NEK1: variants seen among roughly 807,000 people sequenced by gnomAD.
NEK1 encodes the protein serine/threonine-protein kinase Nek1.
NEK1 carries 137 observed loss-of-function variants against 182.1 expected under a neutral mutation model. The ratio of observed to expected loss-of-function variants is 0.75; its 90% CI spans 0.65 to 0.87. The LOEUF (loss-of-function observed/expected upper bound fraction) is 0.87, where lower values mean the gene tolerates loss of function less well. Among genes scored for constraint, NEK1 ranks in the 40% least tolerant of loss-of-function variants. The probability of loss-of-function intolerance (pLI) is 0.00; values close to 1 mark genes in which losing one functional copy is unlikely to be tolerated. For synonymous variants in NEK1, 513 were observed against 492.2 expected (o/e 1.04, Z -0.56); for missense variants, 1,391 against 1,494.4 (o/e 0.93, Z 1.14).
chr4:169,406,721 A>G lies in NEK1; in HGVS notation c.3249T>C (p.Asp1083=). The G allele has an allele frequency of 6.2e-7, 1 of 1,601,520 alleles. No individual in the cohort carries two copies. Among genetic ancestry groups the G allele is most frequent in the Admixed American group, 1.7e-5 (1 of 57,824 alleles). Reference sequence around the variant, plus strand: ...TAAGGGTTCTGAACAGCTTTGAGAGATCTGGAAGTGAACATGTCCTTAACA... The same window carrying G: ...TAAGGGTTCTGAACAGCTTTGAGAGGTCTGGAAGTGAACATGTCCTTAACA... ...PKMLRTCSLP[D]LSKLFRTLMD... is the part of the protein sequence containing the mutation. The change falls in exon 32 of 36, where the codon GAT becomes GAC. Residue 1083 remains aspartate (D), a synonymous_variant. Coordinates refer to ENST00000507142, the MANE Select transcript of NEK1 (RefSeq NM_001199397.3).
intron 23 of NEK1, among the ~76,000 whole-genome samples, chr4:169,480,721 T>C (rs1037123244): frequency 3.3e-5 from 5 of 152,128 alleles, no homozygotes; most frequent in African/African-American, 9.7e-5. Context: ...AATATTCTTT[T>C]GATTTTGTAA....
At chr4:169,456,561 C>A (rs1384194897) in intron 27 of NEK1, among the ~76,000 whole-genome samples, 3 of 152,058 alleles carry the variant, frequency 2.0e-5, no homozygotes, top group African/African-American at 7.2e-5. Context: ...TTAAAAGGAT[C>A]TTTAGAAGCT....
At chr4:169,556,605 G>A (rs1762190550) in intron 16 of NEK1, among the ~76,000 whole-genome samples, 4 of 152,030 alleles carry the variant, frequency 2.6e-5, no homozygotes, top group Admixed American at 2.0e-4. Flanking sequence ...GAGGCAAAAA[G>A]TCATATCTAT....
At chr4:169,530,501 T>C (rs556636127) in intron 19 of NEK1, among the ~76,000 whole-genome samples, 8 of 152,290 alleles carry the variant, frequency 5.3e-5, no homozygotes, top group African/African-American at 1.7e-4. Flanking sequence ...TGTGGGCTAA[T>C]GTAAGTGATC....
rs193034310 is a variant in NEK1 at position 169,603,005 on chromosome 4, C to A, written c.-48-327G>T. On this transcript the variant is annotated intron_variant, in intron 2 of 35. Coordinates refer to ENST00000507142, the MANE Select transcript of NEK1 (RefSeq NM_001199397.3). The stretch of plus-strand genomic sequence containing the variant: ...TTATTTTCTCCAAAAAGAATGAAAA[C>A]CTAATAATACACTATTTCTTGAAGT... Among the ~76,000 whole-genome samples, 775 of 152,120 alleles carry A rather than the reference C, an allele frequency of 5.1e-3. 9 individuals carry two copies. Among genetic ancestry groups the A allele is most frequent in the Middle Eastern group, 0.014 (4 of 292 alleles).
chr4:169,598,360 T>C (rs1043372443), intron 5 of NEK1, among the ~76,000 whole-genome samples: 4 of 151,812 alleles, frequency 2.6e-5, no homozygotes, highest in African/African-American at 4.8e-5. Context: ...CTGGTGATAA[T>C]GAGAAATGTG....
In NEK1 at chr4:169,589,355, T is replaced by G. The variant is rs1768045403; in HGVS notation, c.464+92A>C. On this transcript the variant is annotated intron_variant, in intron 7 of 35. Coordinates refer to ENST00000507142, the MANE Select transcript of NEK1 (RefSeq NM_001199397.3). ...GCAACATCCCAGTAAAGAATGTACT[T>G]AAAGATACCATAAATTATCACATAT... The G allele has an allele frequency of 5.1e-6, 4 of 779,046 alleles. No homozygotes were observed. In the Admixed American group the frequency reaches 1.2e-4, roughly 23 times the overall value. The allele number at this position is 779,046 out of a possible 1,614,324, so 48.3% of individuals were successfully genotyped here. A position where few individuals can be genotyped will look rare whatever the true frequency, so the allele number is the denominator to read the frequency against.
At chr4:169,495,629 A>G (rs1291746425) in intron 23 of NEK1, among the ~76,000 whole-genome samples, 3 of 152,202 alleles carry the variant, frequency 2.0e-5, no homozygotes, top group Non-Finnish European at 2.9e-5. Context: ...ATGGCTAGCC[A>G]GTTTTCCCAG....
intron 27 of NEK1, among the ~76,000 whole-genome samples, chr4:169,458,487 G>A (rs1312034641): frequency 6.6e-6 from 1 of 152,032 alleles, no homozygotes; most frequent in African/African-American, 2.4e-5. Flanking sequence ...CAGCACTTTG[G>A]GAGGCTGAAG....
At chr4:169,547,224 A>C (rs777331957) in intron 18 of NEK1, among the ~76,000 whole-genome samples, 3 of 152,058 alleles carry the variant, frequency 2.0e-5, no homozygotes, top group Admixed American at 6.6e-5. Flanking sequence ...TTTCTCCTTC[A>C]CTTATGAAGC....
At chr4:169,522,313 C>T (rs188624783) in intron 19 of NEK1, among the ~76,000 whole-genome samples, 172 of 152,248 alleles carry the variant, frequency 1.1e-3, no homozygotes, top group African/African-American at 3.2e-3. Context: ...ATTTCTATCA[C>T]AGCAACTTTC....
chr4:169,491,180 C>G (rs541633360), intron 23 of NEK1, among the ~76,000 whole-genome samples: 1 of 139,594 alleles, frequency 7.2e-6, no homozygotes, highest in Non-Finnish European at 1.5e-5. Context: ...TGGAGAAAGG[C>G]ACAGAAGGCT....
At chr4:169,570,386 T>C (rs7439905) in intron 12 of NEK1, among the ~76,000 whole-genome samples, 146,217 of 149,932 alleles carry the variant, frequency 0.98, 71,376 homozygotes, top group East Asian at 1. Flanking sequence ...CCAGGCCAGC[T>C]GCCCAGTCCG....
At chr4:169,593,591 T>C (rs1768906746) in intron 5 of NEK1, among the ~76,000 whole-genome samples, 2 of 152,240 alleles carry the variant, frequency 1.3e-5, no homozygotes, top group South Asian at 2.1e-4. Context: ...TTATAAAATA[T>C]AAATGTTACA....
At chr4:169,435,437 G>A (rs1348239934) in intron 28 of NEK1, among the ~76,000 whole-genome samples, 1 of 152,164 alleles carries the variant, frequency 6.6e-6, no homozygotes, top group Non-Finnish European at 1.5e-5. Flanking sequence ...TAGTAACTAT[G>A]TTCTAATGAA....
At chr4:169,452,595 C>T (rs1742032998) in intron 27 of NEK1, among the ~76,000 whole-genome samples, 1 of 152,140 alleles carries the variant, frequency 6.6e-6, no homozygotes, top group African/African-American at 2.4e-5. Flanking sequence ...CAGAGAAGGC[C>T]TTCAACAAAA....
At chr4:169,540,378 T>C (rs939484210) in intron 18 of NEK1, among the ~76,000 whole-genome samples, 2 of 152,108 alleles carry the variant, frequency 1.3e-5, no homozygotes, top group Non-Finnish European at 2.9e-5. Context: ...TAAAAACCTA[T>C]AAAATCTGTG....
intron 23 of NEK1, among the ~76,000 whole-genome samples, chr4:169,480,054 G>A (rs530007746): frequency 6.6e-6 from 1 of 152,166 alleles, no homozygotes; most frequent in Admixed American, 6.5e-5. Flanking sequence ...TTGTTTTTAT[G>A]TTGCCATTTA....
intron 23 of NEK1, among the ~76,000 whole-genome samples, chr4:169,492,446 G>C (rs1325515994): frequency 6.6e-6 from 1 of 152,150 alleles, no homozygotes; most frequent in Non-Finnish European, 1.5e-5. Flanking sequence ...GTAGGTGGGA[G>C]TGTGTCTCTG....
Sources: gnomAD v4.1 joint callset for allele counts (sites outside exome capture counted in the v4.1 genomes callset) on GRCh38, gnomAD v4.1.1 for gene constraint, MANE v1.5 for transcripts, NCBI Gene and HGNC (gene_info 2026-07-23, HGNC 2026-07-21) for gene names.